TMEM117: variants seen among roughly 807,000 people sequenced by gnomAD.
TMEM117 encodes the protein transmembrane protein 117.
TMEM117 carries 27 observed loss-of-function variants against 52.4 expected under a neutral mutation model. The ratio of observed to expected loss-of-function variants is 0.51; its 90% CI spans 0.38 to 0.71. TMEM117 has a LOEUF of 0.71. Among genes scored for constraint, TMEM117 ranks in the 30% least tolerant of loss-of-function variants. The pLI is 0.00. For missense variants in TMEM117, 556 were observed against 630.5 expected (o/e 0.88, Z 1.26); for synonymous variants, 215 against 206.3 (o/e 1.04, Z -0.36).
At chr12:44,048,838 T>C (rs574778920) in intron 3 of TMEM117, among the ~76,000 whole-genome samples, 1 of 152,346 alleles carries the variant, frequency 6.6e-6, no homozygotes, top group East Asian at 1.9e-4. Context: ...AGTATTTCTT[T>C]AAGATAAAAG....
Position 43,853,274 on chromosome 12 carries a change from G to T in TMEM117, c.277+8346G>T, listed in dbSNP as rs529939443. On this transcript the variant is annotated intron_variant, in intron 2 of 7. Transcript: ENST00000266534. ...CATCCTTTACATGTTGTCTTTGCCA[G>T]TGTTACCTTTTTTATTTTTTGAGAC... Among the ~76,000 whole-genome samples, 50 of 152,214 alleles carry T rather than the reference G, an allele frequency of 3.3e-4. No individual in the cohort carries two copies. The South Asian group carries it at 9.7e-3, about 30-fold the overall frequency.
At chr12:44,103,116 A>C (rs1349617992) in intron 3 of TMEM117, among the ~76,000 whole-genome samples, 1 of 151,994 alleles carries the variant, frequency 6.6e-6, no homozygotes, top group Non-Finnish European at 1.5e-5. Context: ...AATACAAAGG[A>C]AAATTTTTAT....
intron 3 of TMEM117, among the ~76,000 whole-genome samples, chr12:44,069,103 A>G (rs1457283865): frequency 6.6e-6 from 1 of 152,176 alleles, no homozygotes; most frequent in Non-Finnish European, 1.5e-5. Context: ...ATGACTGACT[A>G]TGCATATTGC....
At chr12:44,380,680 G>A (rs1952007727) in intron 7 of TMEM117, among the ~76,000 whole-genome samples, 1 of 152,128 alleles carries the variant, frequency 6.6e-6, no homozygotes, top group South Asian at 2.1e-4. Context: ...ATTAATATAT[G>A]TAAGGCACTT....
intron 2 of TMEM117, among the ~76,000 whole-genome samples, chr12:43,867,072 A>G (rs1271789575): frequency 6.6e-6 from 1 of 152,116 alleles, no homozygotes; most frequent in East Asian, 1.9e-4. Context: ...CTGGGCAACA[A>G]GAGCAAAAAC....
intron 3 of TMEM117, among the ~76,000 whole-genome samples, chr12:44,063,744 C>A (rs1947178774): frequency 6.6e-6 from 1 of 151,674 alleles, no homozygotes; most frequent in Admixed American, 6.6e-5. Flanking sequence ...TCCCTCTGTA[C>A]ATTGTTCTTA....
chr12:43,868,381 AAAT>A (rs1276767884), intron 2 of TMEM117, among the ~76,000 whole-genome samples: 2 of 151,288 alleles, frequency 1.3e-5, no homozygotes, highest in Admixed American at 6.6e-5. Flanking sequence ...GTCTCTACTA[AAAT>A]AATAATAATA....
intron 4 of TMEM117, among the ~76,000 whole-genome samples, chr12:44,177,899 C>A (rs897245052): frequency 4.6e-5 from 7 of 152,266 alleles, no homozygotes; most frequent in Non-Finnish European, 1.0e-4. Context: ...TTTCTCCTTA[C>A]AGTGACACCC....
intron 6 of TMEM117, among the ~76,000 whole-genome samples, chr12:44,360,596 A>C (rs1951708626): frequency 6.6e-6 from 1 of 152,098 alleles, no homozygotes; most frequent in African/African-American, 2.4e-5. Context: ...AAGATTAAAA[A>C]TACTGGCTTT....
At chr12:44,004,244 C>T (rs1946160238) in intron 3 of TMEM117, among the ~76,000 whole-genome samples, 1 of 152,154 alleles carries the variant, frequency 6.6e-6, no homozygotes, top group Non-Finnish European at 1.5e-5. Context: ...CAGGGGTAAG[C>T]AGCTTTGGGA....
At chr12:43,805,489 G>C in the TMEM117 span, 3 of 454,670 alleles carry the variant, frequency 6.6e-6, no homozygotes, top group Non-Finnish European at 1.3e-5. Context: ...GAGTAACCCG[G>C]GGATATATTA....
At chr12:43,878,351 G>A (rs886621806) in intron 2 of TMEM117, among the ~76,000 whole-genome samples, 8 of 152,144 alleles carry the variant, frequency 5.3e-5, no homozygotes, top group African/African-American at 1.9e-4. Context: ...GATGTTCTCA[G>A]AGGTAATCAT....
At chr12:43,850,736 A>C (rs934868150) in intron 2 of TMEM117, among the ~76,000 whole-genome samples, 1 of 149,980 alleles carries the variant, frequency 6.7e-6, no homozygotes, top group African/African-American at 2.5e-5. Context: ...TGCAAACATT[A>C]ATGTTCTTAT....
At chr12:44,173,102 G>A (rs1020915162) in intron 4 of TMEM117, among the ~76,000 whole-genome samples, 2 of 151,928 alleles carry the variant, frequency 1.3e-5, no homozygotes, top group Non-Finnish European at 2.9e-5. Flanking sequence ...TTGGGATGAG[G>A]TCTTACTCTG....
At chr12:44,088,344 A>C (rs1425245446) in intron 3 of TMEM117, among the ~76,000 whole-genome samples, 1 of 152,218 alleles carries the variant, frequency 6.6e-6, no homozygotes, top group Non-Finnish European at 1.5e-5. Flanking sequence ...TAGTATAGTC[A>C]TGACAGTATT....
chr12:44,387,586 C>A (rs1231514593), intron 7 of TMEM117, among the ~76,000 whole-genome samples: 1 of 152,006 alleles, frequency 6.6e-6, no homozygotes, highest in African/African-American at 2.4e-5. Flanking sequence ...GCTTGCATTG[C>A]AAAATGATTT....
chr12:44,056,151 G>A (rs889068682), intron 3 of TMEM117, among the ~76,000 whole-genome samples: 2 of 151,986 alleles, frequency 1.3e-5, no homozygotes, highest in African/African-American at 4.8e-5. Flanking sequence ...CCAGCCTGGA[G>A]TTCAGTGGCA....
intron 2 of TMEM117, among the ~76,000 whole-genome samples, chr12:43,858,442 T>C (rs1388236030): frequency 6.6e-6 from 1 of 152,180 alleles, no homozygotes; most frequent in Admixed American, 6.5e-5. Context: ...TCACTTTTGG[T>C]TAAAGAAAGT....
intron 3 of TMEM117, among the ~76,000 whole-genome samples, chr12:44,025,497 A>G (rs1946519214): frequency 6.6e-6 from 1 of 152,220 alleles, no homozygotes; most frequent in Non-Finnish European, 1.5e-5. Flanking sequence ...AATTAACCCT[A>G]TTTAAAGATA....
Sources: gnomAD v4.1 joint callset for allele counts (sites outside exome capture counted in the v4.1 genomes callset) on GRCh38, gnomAD v4.1.1 for gene constraint, MANE v1.5 for transcripts, NCBI Gene and HGNC (gene_info 2026-07-23, HGNC 2026-07-21) for gene names.